APOLD1: variants seen among roughly 807,000 people sequenced by gnomAD.
The protein encoded by APOLD1 is apolipoprotein L domain containing 1.
APOLD1 carries 22 observed loss-of-function variants against 15.3 expected under a neutral mutation model. That is an observed-to-expected ratio of 1.44 (90% confidence interval 1.03 to 2.05). The LOEUF is 2.05. Ranked by LOEUF, APOLD1 falls within the 30% of genes most tolerant of loss-of-function variation. The pLI, the probability that APOLD1 is intolerant of heterozygous loss-of-function variation, is 0.00. For missense variants in APOLD1, 394 were observed against 353.5 expected, an observed-to-expected ratio of 1.11 and a Z score of -0.92; for synonymous variants, 190 against 167.4, an observed-to-expected ratio of 1.13 and a Z score of -1.04.
At chr12:12,781,823 G>A (rs761927784), upstream of APOLD1, among the ~76,000 whole-genome samples, 18 of 150,546 alleles carry the variant, frequency 1.2e-4, no homozygotes, top group Non-Finnish European at 2.5e-4. Context: ...CACCGCGCCC[G>A]GCATACTTTA....
chr12:12,741,080 C>T (rs942479464), intron 1 of APOLD1, among the ~76,000 whole-genome samples: 1 of 151,880 alleles, frequency 6.6e-6, no homozygotes, highest in Non-Finnish European at 1.5e-5. Context: ...GTACCTCTTA[C>T]CAAGAAAAAA....
chr12:12,752,273 G>C (rs1012342029), intron 1 of APOLD1, among the ~76,000 whole-genome samples: 1 of 152,196 alleles, frequency 6.6e-6, no homozygotes, highest in Non-Finnish European at 1.5e-5. Context: ...TGTTCTTTGG[G>C]AGCCAGTCAA....
intron 1 of APOLD1, among the ~76,000 whole-genome samples, chr12:12,758,587 G>A (rs1946875839): frequency 6.6e-6 from 1 of 152,112 alleles, no homozygotes; most frequent in African/African-American, 2.4e-5. Context: ...GGTAAACAAA[G>A]GGACAGAGCC....
At chr12:12,764,787 C>A in intron 1 of APOLD1, 2 of 421,178 alleles carry the variant, frequency 4.7e-6, no homozygotes, top group South Asian at 1.9e-5. Context: ...ATGTGATTCT[C>A]CATGCCAGTG....
intron 1 of APOLD1, 155 bp from the exon 2 acceptor site, chr12:12,786,754 G>T (rs1298094076): frequency 2.0e-6 from 2 of 985,294 alleles, no homozygotes; most frequent in African/African-American, 3.5e-5. Flanking sequence ...TTGAGAACTC[G>T]TCTCATGATC....
chr12:12,783,079 G>A (rs996392209), upstream of APOLD1, among the ~76,000 whole-genome samples: 7 of 151,998 alleles, frequency 4.6e-5, no homozygotes, highest in South Asian at 1.0e-3. Context: ...AGTGGTGCAC[G>A]CCTGTAATCC....
intron 1 of APOLD1, among the ~76,000 whole-genome samples, chr12:12,778,517 G>C (rs940359516): frequency 2.7e-5 from 4 of 149,832 alleles, no homozygotes; most frequent in Non-Finnish European, 5.9e-5. Flanking sequence ...TTATAGAGAT[G>C]GGTTCTCACT....
rs1157464607 is a variant in APOLD1, at chr12:12,790,004, A to C, written c.*2352A>C. The C allele has an allele frequency of 7.4e-6, 1 of 136,048 alleles. No individual in the cohort carries two copies. Among genetic ancestry groups the C allele is most frequent in the Admixed American group, 7.4e-5 (1 of 13,530 alleles). The allele number at this position is 136,048 out of a possible 1,614,324, so 8.4% of individuals were successfully genotyped here. A position where few individuals can be genotyped will look rare whatever the true frequency, so the allele number is the denominator to read the frequency against. On this transcript the variant is annotated 3_prime_UTR_variant, in exon 2 of 2. Coordinates refer to ENST00000356591, the MANE Select transcript of APOLD1 (RefSeq NM_030817.3). ...TAGACTGTTTCACCCAGATGCTAGC[A>C]TTTTTTTTTTTTTTTTGAGACAGAG... is the stretch of plus-strand genomic sequence containing the variant.
At chr12:12,760,607 C>G (rs566162213) in intron 1 of APOLD1, among the ~76,000 whole-genome samples, 1 of 150,748 alleles carries the variant, frequency 6.6e-6, no homozygotes, top group African/African-American at 2.4e-5. Flanking sequence ...CCATTGCACT[C>G]CAGCCTGGGT....
intron 1 of APOLD1, among the ~76,000 whole-genome samples, chr12:12,748,375 G>A (rs111689081): frequency 2.0e-5 from 3 of 152,194 alleles, no homozygotes; most frequent in African/African-American, 7.2e-5. Flanking sequence ...GACTTCATGT[G>A]GCTCAAGAAT....
In APOLD1 at chr12:12,787,855, C is replaced by A; in HGVS notation, c.*203C>A. ...TCTGCCTGGGCTTGAGTGCTACGGA[C>A]TTTTCAGTCTTCCTAGTGGAAAAAT... is the stretch of plus-strand genomic sequence containing the variant. On this transcript the variant is annotated 3_prime_UTR_variant, in exon 2 of 2. Transcript: ENST00000356591. This position sits in a 1 kb window ranked among gnomAD's most constrained non-coding sequence, Gnocchi z 4.9. 1 of 671,334 alleles carries A rather than the reference C, an allele frequency of 1.5e-6. No individual in the cohort carries two copies. The highest frequency in any genetic ancestry group is 2.4e-6 in the Non-Finnish European group (1 of 425,288). The allele number at this position is 671,334 out of a possible 1,614,324, so 41.6% of individuals were successfully genotyped here.
chr12:12,764,658 GT>G, intron 1 of APOLD1: 1 of 484,926 alleles, frequency 2.1e-6, no homozygotes, highest in Non-Finnish European at 4.3e-6. Context: ...CGGTGAGTGC[GT>G]TTCCAAGTGT....
chr12:12,756,820 T>C (rs949750819), intron 1 of APOLD1, among the ~76,000 whole-genome samples: 1 of 152,166 alleles, frequency 6.6e-6, no homozygotes, highest in African/African-American at 2.4e-5. Flanking sequence ...AGAGTCTTGC[T>C]CTATTGCCCA....
At chr12:12,781,674 C>A (rs1253664325), upstream of APOLD1, among the ~76,000 whole-genome samples, 1 of 151,288 alleles carries the variant, frequency 6.6e-6, no homozygotes, top group East Asian at 2.1e-4. Flanking sequence ...ACTACAGGCG[C>A]CTGCCACCAT....
intron 1 of APOLD1, among the ~76,000 whole-genome samples, chr12:12,762,440 T>C (rs11832677): frequency 0.021 from 3,142 of 152,018 alleles, 67 homozygotes; most frequent in African/African-American, 0.05. Flanking sequence ...CTGCAACCTC[T>C]GCCTCCCAGG....
intron 1 of APOLD1, among the ~76,000 whole-genome samples, chr12:12,743,710 A>G (rs1022402632): frequency 1.1e-4 from 17 of 152,210 alleles, no homozygotes; most frequent in African/African-American, 4.1e-4. Context: ...TTTGCTGACT[A>G]TAAAATTGGG....
rs7301803 is a variant in APOLD1 at position 12,789,956 on chromosome 12, C to G, written c.*2304C>G. On this transcript the variant is annotated 3_prime_UTR_variant, in exon 2 of 2. Transcript: ENST00000356591. ...TTTATTTTGAAATTTATATTGGTTT[C>G]TTTTCAAGCTGGTGTCATCTCCTAG... 1 of 149,844 alleles carries G rather than the reference C, an allele frequency of 6.7e-6. No individual in the cohort carries two copies. The highest frequency in any genetic ancestry group is 1.5e-5 in the Non-Finnish European group (1 of 67,648). The allele number at this position is 149,844 out of a possible 1,614,324, so 9.3% of individuals were successfully genotyped here.
chr12:12,740,313 C>T (rs1790018187), intron 1 of APOLD1, among the ~76,000 whole-genome samples: 1 of 152,124 alleles, frequency 6.6e-6, no homozygotes, highest in Non-Finnish European at 1.5e-5. Flanking sequence ...GACGGGGTTT[C>T]ACCATATTGG....
At chr12:12,769,155 G>A (rs1946964869) in intron 1 of APOLD1, among the ~76,000 whole-genome samples, 1 of 149,800 alleles carries the variant, frequency 6.7e-6, no homozygotes, top group Non-Finnish European at 1.5e-5. Context: ...TTGAGCCTAG[G>A]CAATTAAGGC....
Sources: allele counts gnomAD v4.1 joint callset (sites outside exome capture counted in the v4.1 genomes callset), GRCh38; gene constraint gnomAD v4.1.1; non-coding constraint Gnocchi (gnomAD v3.1); transcripts MANE v1.5; gene names NCBI Gene and HGNC (gene_info 2026-07-23, HGNC 2026-07-21).